Variants in EYS observed in about 807,000 individuals in gnomAD.
The protein encoded by EYS is protein eyes shut homolog.
In EYS, 250 loss-of-function variants were observed where a neutral mutation model predicts 282.1. The observed-to-expected ratio is 0.89, with a 90% CI of 0.80 to 0.98. The LOEUF (loss-of-function observed/expected upper bound fraction) is 0.98, where lower values mean the gene tolerates loss of function less well. EYS is among the 50% of genes least tolerant of loss of function. The pLI is 0.00. For synonymous variants in EYS, 1,355 were observed against 1,282.9 expected, an observed-to-expected ratio of 1.06 and a Z score of -1.20; for missense variants, 4,016 against 3,709.0, an observed-to-expected ratio of 1.08 and a Z score of -2.15.
chr6:65,199,388 A>G (rs532760647), intron 12 of EYS, among the ~76,000 whole-genome samples: 24 of 152,242 alleles, frequency 1.6e-4, no homozygotes, highest in African/African-American at 5.8e-4. Context: ...GAAGAATGCA[A>G]AGTTTTCCTA....
intron 22 of EYS, among the ~76,000 whole-genome samples, chr6:64,750,691 G>A (rs1274301376): frequency 6.6e-6 from 1 of 152,106 alleles, no homozygotes; most frequent in Non-Finnish European, 1.5e-5. Flanking sequence ...TGTTGGATTG[G>A]AGGCTTTTAG....
chr6:64,533,807 A>C (rs1582863388), intron 26 of EYS, among the ~76,000 whole-genome samples: 1 of 151,924 alleles, frequency 6.6e-6, no homozygotes, highest in Non-Finnish European at 1.5e-5. Context: ...CATAACACAT[A>C]TATACACAAA....
At chr6:65,105,855 T>A (rs964937473) in intron 12 of EYS, among the ~76,000 whole-genome samples, 4 of 151,934 alleles carry the variant, frequency 2.6e-5, no homozygotes, top group African/African-American at 9.7e-5. Flanking sequence ...ATTATATCTT[T>A]GGAGAGATTA....
At chr6:65,682,680 G>A (rs545570161) in intron 1 of EYS, among the ~76,000 whole-genome samples, 14 of 151,948 alleles carry the variant, frequency 9.2e-5, no homozygotes, top group South Asian at 4.1e-4. Flanking sequence ...CTCCAATATA[G>A]CAGCTAAATA....
At chr6:63,989,229 C>T (rs911811368) in intron 34 of EYS, among the ~76,000 whole-genome samples, 1 of 151,474 alleles carries the variant, frequency 6.6e-6, no homozygotes, top group Admixed American at 6.6e-5. Context: ...AGAGTCATTA[C>T]CATTTTTGGT....
At chr6:64,771,914 T>C (rs1357098577) in intron 22 of EYS, among the ~76,000 whole-genome samples, 2 of 151,798 alleles carry the variant, frequency 1.3e-5, no homozygotes, top group African/African-American at 2.4e-5. Context: ...TTAATCTATC[T>C]TTTGTATTCA....
Position 65,521,429 on chromosome 6 carries a change from A to G in EYS, c.-332-25436T>C, listed in dbSNP as rs146218028. 9.1e-3 allele frequency among the ~76,000 whole-genome samples: 1,390 copies of G among 152,256 alleles called. 30 individuals are homozygous for G. The highest frequency in any genetic ancestry group is 0.032 in the African/African-American group (1,339 of 41,554). On this transcript the variant is annotated intron_variant, in intron 2 of 42. Coordinates refer to ENST00000503581, the MANE Select transcript of EYS (RefSeq NM_001142800.2). Reference sequence around the variant, plus strand: ...AGGACTAAATTATATAAATCATAAAAATACTTTTGAGAACTCAGACCTTCC... The same window carrying G: ...AGGACTAAATTATATAAATCATAAAGATACTTTTGAGAACTCAGACCTTCC...
chr6:64,083,199 A>G (rs1473750431), intron 31 of EYS, among the ~76,000 whole-genome samples: 1 of 152,120 alleles, frequency 6.6e-6, no homozygotes, highest in Non-Finnish European at 1.5e-5. Context: ...GTGAGCCACC[A>G]TGCCCAGCCA....
intron 12 of EYS, among the ~76,000 whole-genome samples, chr6:65,069,260 A>G (rs1773838335): frequency 6.6e-6 from 1 of 151,992 alleles, no homozygotes; most frequent in Admixed American, 6.6e-5. Context: ...CCTTAAAAGA[A>G]AACAGAAAAC....
intron 28 of EYS, among the ~76,000 whole-genome samples, chr6:64,433,264 T>C (rs1466969087): frequency 6.6e-6 from 1 of 151,886 alleles, no homozygotes; most frequent in Admixed American, 6.6e-5. Flanking sequence ...ATTTCAACAA[T>C]AACAAAATAA....
At chr6:64,418,211 G>A (rs539556260) in intron 28 of EYS, among the ~76,000 whole-genome samples, 6 of 152,088 alleles carry the variant, frequency 3.9e-5, no homozygotes, top group African/African-American at 1.2e-4. Context: ...AGCTATCTAC[G>A]TAACACCTTG....
intron 14 of EYS, among the ~76,000 whole-genome samples, chr6:64,986,560 A>G (rs947027045): frequency 1.3e-5 from 2 of 151,184 alleles, no homozygotes; most frequent in Non-Finnish European, 3.0e-5. Flanking sequence ...ATATCTACAC[A>G]AAAATTATAA....
intron 19 of EYS, among the ~76,000 whole-genome samples, chr6:64,824,073 T>C (rs1764978026): frequency 6.6e-6 from 1 of 151,914 alleles, no homozygotes; most frequent in East Asian, 1.9e-4. Flanking sequence ...TAGAGTGAGT[T>C]ACAGATCCTC....
intron 31 of EYS, among the ~76,000 whole-genome samples, chr6:64,158,554 T>A (rs1775004025): frequency 6.6e-6 from 1 of 152,184 alleles, no homozygotes; most frequent in Admixed American, 6.5e-5. Context: ...TCTCTCCCAC[T>A]CTTTGCATAA....
intron 1 of EYS, among the ~76,000 whole-genome samples, chr6:65,653,358 T>TA (rs1197495647): frequency 1.3e-5 from 2 of 151,842 alleles, no homozygotes; most frequent in Non-Finnish European, 2.9e-5. Flanking sequence ...AATAACTTGA[T>TA]AAAAAGAGTG....
intron 12 of EYS, among the ~76,000 whole-genome samples, chr6:65,122,492 G>T (rs963598821): frequency 6.6e-6 from 1 of 152,014 alleles, no homozygotes; most frequent in Non-Finnish European, 1.5e-5. Flanking sequence ...ATATTAATTT[G>T]CAGTCTTATC....
At chr6:63,913,731 A>C (rs548197314) in intron 35 of EYS, among the ~76,000 whole-genome samples, 1 of 152,334 alleles carries the variant, frequency 6.6e-6, no homozygotes, top group African/African-American at 2.4e-5. Context: ...CATTCATCAG[A>C]TGATGGACCT....
chr6:64,276,209 A>C (rs1477279380), intron 30 of EYS, among the ~76,000 whole-genome samples: 1 of 152,184 alleles, frequency 6.6e-6, no homozygotes, highest in Non-Finnish European at 1.5e-5. Flanking sequence ...TTATTGGCTA[A>C]GTGCTAAGTT....
intron 11 of EYS, among the ~76,000 whole-genome samples, chr6:65,321,130 TAG>T (rs1041048079): frequency 2.0e-5 from 3 of 150,316 alleles, no homozygotes; most frequent in African/African-American, 7.3e-5. Flanking sequence ...TTAAAACTAG[TAG>T]AGAGTATGAA....
Sources: gnomAD v4.1 joint callset for allele counts (sites outside exome capture counted in the v4.1 genomes callset) on GRCh38, gnomAD v4.1.1 for gene constraint, MANE v1.5 for transcripts, NCBI Gene and HGNC (gene_info 2026-07-23, HGNC 2026-07-21) for gene names.